TUSC3: variants seen among roughly 807,000 people sequenced by gnomAD.
TUSC3 encodes the protein dolichyl-diphosphooligosaccharide--protein glycosyltransferase subunit TUSC3.
In TUSC3, 45 loss-of-function variants were observed where a neutral mutation model predicts 44.8. The observed-to-expected ratio is 1.00, with a 90% CI of 0.79 to 1.29. The LOEUF (loss-of-function observed/expected upper bound fraction) is 1.29, where lower values mean the gene tolerates loss of function less well. TUSC3 is among the 50% of genes most tolerant of loss of function. TUSC3 has a pLI of 0.00. For synonymous variants in TUSC3, 212 were observed against 152.9 expected (o/e 1.39, Z -2.85); for missense variants, 519 against 437.9 (o/e 1.19, Z -1.65).
At chr8:15,733,486 C>A in intron 7 of TUSC3, 1 of 301,342 alleles carries the variant, frequency 3.3e-6, no homozygotes, top group East Asian at 1.1e-4. Context: ...TTGAGATCAT[C>A]CTTTTATTGT....
chr8:15,468,692 A>G (rs1295423079), intron 1 of TUSC3, among the ~76,000 whole-genome samples: 1 of 152,120 alleles, frequency 6.6e-6, no homozygotes, highest in Non-Finnish European at 1.5e-5. Flanking sequence ...CAGGCTAGAG[A>G]CTTCTAGAAA....
the TUSC3 span, among the ~76,000 whole-genome samples, chr8:15,801,798 G>C: frequency 1.3e-5 from 2 of 152,140 alleles, no homozygotes; most frequent in Non-Finnish European, 2.9e-5. Context: ...TCTCTCATTT[G>C]GATGCTCTTG....
the TUSC3 span, among the ~76,000 whole-genome samples, chr8:15,832,376 C>T: frequency 1.3e-5 from 2 of 152,140 alleles, no homozygotes; most frequent in Admixed American, 1.3e-4. Context: ...GCCACACAAA[C>T]AAGTCTGCAT....
At chr8:15,680,398 G>T (rs1352728860) in intron 6 of TUSC3, among the ~76,000 whole-genome samples, 2 of 151,934 alleles carry the variant, frequency 1.3e-5, no homozygotes, top group African/African-American at 2.4e-5. Context: ...TTTGGTTCTT[G>T]ACTTGAACGT....
chr8:15,850,435 A>G, the TUSC3 span, among the ~76,000 whole-genome samples: 865 of 152,298 alleles, frequency 5.7e-3, 10 homozygotes, highest in African/African-American at 0.019. Flanking sequence ...TGACATTTAT[A>G]TAATTATTTT....
intron 5 of TUSC3, among the ~76,000 whole-genome samples, chr8:15,663,268 CTG>C (rs1299900849): frequency 6.6e-6 from 1 of 151,208 alleles, no homozygotes; most frequent in Non-Finnish European, 1.5e-5. Context: ...CATTATATAT[CTG>C]TATATCTTAT....
chr8:15,847,851 T>A, the TUSC3 span, among the ~76,000 whole-genome samples: 2 of 152,172 alleles, frequency 1.3e-5, no homozygotes, highest in Non-Finnish European at 2.9e-5. Flanking sequence ...GAACGTTTGC[T>A]GACTGAGCGA....
chr8:15,570,954 GTTTTTTTTTTT>G (rs549277334), intron 1 of TUSC3, among the ~76,000 whole-genome samples: 1 of 44,494 alleles, frequency 2.2e-5, no homozygotes, highest in Non-Finnish European at 5.2e-5. Flanking sequence ...TTGCCTATTA[GTTTTTTTTTTT>G]TTTTTTTTTG....
chr8:15,789,660 C>G, the TUSC3 span, among the ~76,000 whole-genome samples: 1 of 152,076 alleles, frequency 6.6e-6, no homozygotes, highest in Non-Finnish European at 1.5e-5. Context: ...AGTCAAACTA[C>G]AATTCTAAAT....
the TUSC3 span, among the ~76,000 whole-genome samples, chr8:15,820,177 A>C: frequency 1.7e-3 from 253 of 152,252 alleles, 1 homozygote; most frequent in Middle Eastern, 6.8e-3. Flanking sequence ...TTGACTGATA[A>C]ATGAACCTTG....
chr8:15,758,653 A>G (rs994935488), intron 10 of TUSC3, among the ~76,000 whole-genome samples: 3 of 152,084 alleles, frequency 2.0e-5, no homozygotes, highest in African/African-American at 7.2e-5. Flanking sequence ...CTGTGTTCCA[A>G]AAGAGTTCTG....
Position 15,521,859 on chromosome 8 carries a change from G to T in TUSC3, n.189+38376G>T, listed in dbSNP as rs567824707. Among the ~76,000 whole-genome samples, 4 of 152,260 alleles carry T rather than the reference G, an allele frequency of 2.6e-5. No individual in the cohort carries two copies. The East Asian group carries it at 5.8e-4, about 22-fold the overall frequency. On this transcript the variant is annotated intron_variant and non_coding_transcript_variant, in intron 2 of 5. Transcript: ENST00000503191. ...AGGCCTTAACTGCTCTGCTCTTTAA[G>T]GTTGTACATGGTTGAGTGACTAGCT...
chr8:15,733,934 C>G (rs1205944810), intron 7 of TUSC3, among the ~76,000 whole-genome samples: 1 of 152,154 alleles, frequency 6.6e-6, no homozygotes, highest in Admixed American at 6.5e-5. Flanking sequence ...GTTCTAGCTA[C>G]TTGGGAGGCG....
At chr8:15,745,678 A>T (rs139361484) in intron 8 of TUSC3, among the ~76,000 whole-genome samples, 302 of 151,348 alleles carry the variant, frequency 2.0e-3, no homozygotes, top group African/African-American at 6.6e-3. Context: ...AGTTCCGTGT[A>T]GATTCTGGAT....
chr8:15,810,184 T>G, the TUSC3 span, among the ~76,000 whole-genome samples: 1 of 152,078 alleles, frequency 6.6e-6, no homozygotes, highest in Non-Finnish European at 1.5e-5. Context: ...AACAACTGAA[T>G]CAGAAATTTG....
the TUSC3 span, among the ~76,000 whole-genome samples, chr8:15,824,474 A>T: frequency 0.6 from 91,493 of 151,548 alleles, 29,025 homozygotes; most frequent in Non-Finnish European, 0.73. Context: ...TGAACTCATC[A>T]TTTTTTATGG....
chr8:15,760,117 C>T (rs796094150), intron 10 of TUSC3, among the ~76,000 whole-genome samples: 37 of 152,126 alleles, frequency 2.4e-4, no homozygotes, highest in African/African-American at 6.5e-4. Context: ...TTAAGATATG[C>T]GCTGATCATG....
intron 1 of TUSC3, among the ~76,000 whole-genome samples, chr8:15,562,537 C>A: frequency 6.6e-6 from 1 of 152,220 alleles, no homozygotes; most frequent in East Asian, 1.9e-4. Flanking sequence ...GAAGTCTGGG[C>A]ATGGTGTAGC....
At chr8:15,830,108 G>C in the TUSC3 span, among the ~76,000 whole-genome samples, 1 of 149,160 alleles carries the variant, frequency 6.7e-6, no homozygotes, top group Non-Finnish European at 1.5e-5. Flanking sequence ...AGAAATGTCT[G>C]TTCATGTCCT....
Sources: allele counts gnomAD v4.1 joint callset (sites outside exome capture counted in the v4.1 genomes callset), GRCh38; gene constraint gnomAD v4.1.1; transcripts MANE v1.5; gene names NCBI Gene and HGNC (gene_info 2026-07-23, HGNC 2026-07-21).